Variants in SGTB observed in about 807,000 individuals in gnomAD.
The protein encoded by SGTB is small glutamine rich tetratricopeptide repeat co-chaperone beta.
Under a neutral mutation model 43.9 loss-of-function variants are expected in SGTB, and 19 were observed. The observed-to-expected ratio is 0.43, with a 90% CI of 0.30 to 0.63. The LOEUF is 0.63. SGTB is among the 30% of genes least tolerant of loss of function. The pLI is 0.12. For missense variants in SGTB, 304 were observed against 358.9 expected (o/e 0.85, Z 1.24); for synonymous variants, 116 against 117.3 (o/e 0.99, Z 0.07).
intron 5 of SGTB, among the ~76,000 whole-genome samples, chr5:65,703,567 A>G (rs1757863805): frequency 6.6e-6 from 1 of 151,854 alleles, no homozygotes; most frequent in South Asian, 2.1e-4. Context: ...AAAAATACAA[A>G]AATTAGCCAG....
chr5:65,689,781 T>C (rs1423102172), intron 5 of SGTB, among the ~76,000 whole-genome samples: 1 of 152,020 alleles, frequency 6.6e-6, no homozygotes, highest in Non-Finnish European at 1.5e-5. Flanking sequence ...AGAGAAAAGG[T>C]GGTTTTAGGT....
At chr5:65,694,622 C>T (rs557105861) in intron 5 of SGTB, among the ~76,000 whole-genome samples, 14 of 152,004 alleles carry the variant, frequency 9.2e-5, no homozygotes, top group African/African-American at 1.9e-4. Context: ...AATACAGGTG[C>T]GCACCACCAC....
At chr5:65,691,803 C>T (rs1217641810) in intron 5 of SGTB, among the ~76,000 whole-genome samples, 3 of 151,234 alleles carry the variant, frequency 2.0e-5, no homozygotes, top group East Asian at 3.9e-4. Context: ...TGGTGGCGGG[C>T]GCCTGTAGTC....
chr5:65,708,210 T>C (rs981852580), intron 4 of SGTB, among the ~76,000 whole-genome samples: 1 of 152,260 alleles, frequency 6.6e-6, no homozygotes, highest in Non-Finnish European at 1.5e-5. Flanking sequence ...TCCTACAGTA[T>C]AAGTAGCAAA....
chr5:65,693,867 C>T (rs1277170063), intron 5 of SGTB, among the ~76,000 whole-genome samples: 1 of 152,078 alleles, frequency 6.6e-6, no homozygotes, highest in Non-Finnish European at 1.5e-5. Flanking sequence ...TAACCCTATG[C>T]CAAGCTGTCT....
At chr5:65,700,626 A>G (rs1201277616) in intron 5 of SGTB, among the ~76,000 whole-genome samples, 1 of 149,124 alleles carries the variant, frequency 6.7e-6, no homozygotes, top group African/African-American at 2.5e-5. Flanking sequence ...GCTTGCAGTG[A>G]GCCAAGATCG....
intron 5 of SGTB, among the ~76,000 whole-genome samples, chr5:65,694,669 G>A (rs994296072): frequency 2.0e-5 from 3 of 151,908 alleles, no homozygotes; most frequent in African/African-American, 7.2e-5. Context: ...TGGAGACAGG[G>A]GTTTCACCAT....
At chr5:65,710,865 G>A (rs1000842163) in intron 3 of SGTB, among the ~76,000 whole-genome samples, 29 of 151,746 alleles carry the variant, frequency 1.9e-4, no homozygotes, top group African/African-American at 6.3e-4. Flanking sequence ...GTGTGGTGGC[G>A]GGTGCCTGTA....
At chr5:65,691,189 T>C (rs1428643053) in intron 5 of SGTB, among the ~76,000 whole-genome samples, 1 of 152,188 alleles carries the variant, frequency 6.6e-6, no homozygotes, top group Non-Finnish European at 1.5e-5. Context: ...ACTGATACTT[T>C]TCAAAAAATC....
upstream of SGTB, chr5:65,722,167 G>A (rs1758313326): frequency 8.2e-6 from 2 of 243,224 alleles, no homozygotes; most frequent in Non-Finnish European, 1.5e-5. Context: ...GGCCAGACAC[G>A]CGAGCTGGGG....
At chr5:65,670,456 C>T (rs1427840947) in intron 10 of SGTB, 99 bp from the exon 11 acceptor site, 2 of 915,578 alleles carry the variant, frequency 2.2e-6, no homozygotes, top group Non-Finnish European at 3.4e-6. Flanking sequence ...CTAAAGGGGG[C>T]TTTTTTCTAT....
chr5:65,714,530 G>A (rs566997119), intron 2 of SGTB, among the ~76,000 whole-genome samples: 5 of 152,288 alleles, frequency 3.3e-5, no homozygotes, highest in African/African-American at 1.2e-4. Context: ...GTCTGTCGTT[G>A]GAGGCCAGGT....
chr5:65,692,722 ATG>A (rs1423452152), intron 5 of SGTB, among the ~76,000 whole-genome samples: 3 of 152,204 alleles, frequency 2.0e-5, no homozygotes, highest in African/African-American at 4.8e-5. Context: ...GCTATAAAAG[ATG>A]TTTTGGGGAC....
intron 6 of SGTB, among the ~76,000 whole-genome samples, chr5:65,682,309 G>T (rs888332971): frequency 1.3e-5 from 2 of 152,232 alleles, no homozygotes; most frequent in Non-Finnish European, 2.9e-5. Flanking sequence ...GGTGCCAGAT[G>T]ATAGAGGACC....
intron 8 of SGTB, among the ~76,000 whole-genome samples, chr5:65,676,993 AT>A (rs1167373475): frequency 7.3e-6 from 1 of 136,256 alleles, no homozygotes; most frequent in Non-Finnish European, 1.6e-5. Flanking sequence ...ACTGAAGGAG[AT>A]AGAGACACAG....
chr5:65,718,659 CT>C (rs1157541528), intron 2 of SGTB, among the ~76,000 whole-genome samples: 2 of 152,040 alleles, frequency 1.3e-5, no homozygotes, highest in African/African-American at 4.8e-5. Flanking sequence ...TTTCCTAGGG[CT>C]TTTAAAAATG....
rs535425290 is a variant in SGTB, at chr5:65,666,497, C to A, written c.*3749G>T. 4 of 152,280 alleles carry A rather than the reference C, an allele frequency of 2.6e-5. No homozygotes were observed. In the East Asian group the frequency reaches 7.7e-4, roughly 29 times the overall value. The allele number at this position is 152,280 out of a possible 1,614,324, so 9.4% of individuals were successfully genotyped here. ...TGGAAGTCAAACATTTAGTACGATG[C>A]TTAAAGAGTTACTTTAATAATGCCC... On this transcript the variant is annotated 3_prime_UTR_variant, in exon 11 of 11. Transcript: ENST00000381007.
chr5:65,675,470 AC>A (rs1267419644), intron 8 of SGTB, among the ~76,000 whole-genome samples: 4 of 152,194 alleles, frequency 2.6e-5, no homozygotes, highest in Non-Finnish European at 4.4e-5. Context: ...AAAAATGCAC[AC>A]ATACACATGT....
chr5:65,670,649 A>G (rs1259888002), intron 10 of SGTB, among the ~76,000 whole-genome samples: 3 of 152,212 alleles, frequency 2.0e-5, no homozygotes, highest in East Asian at 3.8e-4. Flanking sequence ...GGTAAGACGT[A>G]TATGTTTTTA....
Sources: gnomAD v4.1 joint callset for allele counts (sites outside exome capture counted in the v4.1 genomes callset) on GRCh38, gnomAD v4.1.1 for gene constraint, MANE v1.5 for transcripts, NCBI Gene and HGNC (gene_info 2026-07-23, HGNC 2026-07-21) for gene names.